The following IL18R1 variants were observed in gnomAD, a reference collection of about 807,000 sequenced individuals.
IL18R1 encodes the protein interleukin-18 receptor 1.
A neutral mutation model predicts 48.5 loss-of-function variants in IL18R1; 40 were observed. The ratio of observed to expected loss-of-function variants is 0.82; its 90% confidence interval spans 0.64 to 1.07. The LOEUF is 1.07. IL18R1 is among the 50% of genes least tolerant of loss of function. The pLI, the probability that IL18R1 is intolerant of heterozygous loss-of-function variation, is 0.00. For missense variants in IL18R1, 596 were observed against 633.7 expected, an observed-to-expected ratio of 0.94 and a Z score of 0.64; for synonymous variants, 232 against 225.9, an observed-to-expected ratio of 1.03 and a Z score of -0.24.
In IL18R1 at chr2:102,372,822, T is replaced by C. The variant is rs1291224253; in HGVS notation, c.468+704T>C. Among the ~76,000 whole-genome samples the C allele has an allele frequency of 3.3e-5, 5 of 152,360 alleles. 1 individual carries two copies. In the South Asian group the frequency reaches 1.0e-3, roughly 32 times the overall value. On this transcript the variant is annotated intron_variant, in intron 4 of 10. Coordinates refer to ENST00000233957, the MANE Select transcript of IL18R1 (RefSeq NM_003855.5). ...CATTTGTGAATTGCCTATTTTTCACTATTATTTAAAGGCTAAAATGAATAC... is the reference window on the plus strand; with the variant it reads ...CATTTGTGAATTGCCTATTTTTCACCATTATTTAAAGGCTAAAATGAATAC...
chr2:102,391,838 G>A (rs1018321668), intron 9 of IL18R1, among the ~76,000 whole-genome samples: 1 of 152,116 alleles, frequency 6.6e-6, no homozygotes, highest in Non-Finnish European at 1.5e-5. Flanking sequence ...TTTGCATAAG[G>A]CTCAGCTGTA....
chr2:102,386,106 G>A (rs762417917), intron 7 of IL18R1, among the ~76,000 whole-genome samples: 1 of 152,202 alleles, frequency 6.6e-6, no homozygotes, highest in Non-Finnish European at 1.5e-5. Flanking sequence ...GGCAGTTGGA[G>A]GCTACAGTGG....
intron 3 of IL18R1, among the ~76,000 whole-genome samples, chr2:102,371,066 G>GTT (rs1182359974): frequency 9.3e-4 from 141 of 151,392 alleles, no homozygotes; most frequent in African/African-American, 3.1e-3. Context: ...TGTTGTTGTT[G>GTT]TTTTTTTGAG....
chr2:102,381,160 C>T (rs1439569816), intron 5 of IL18R1, among the ~76,000 whole-genome samples: 1 of 152,194 alleles, frequency 6.6e-6, no homozygotes, highest in Admixed American at 6.5e-5. Flanking sequence ...ATTGAAGGGA[C>T]ACTGCTCTCA....
intron 10 of IL18R1, among the ~76,000 whole-genome samples, chr2:102,394,901 G>C (rs1680743611): frequency 1.3e-5 from 2 of 152,184 alleles, no homozygotes; most frequent in Non-Finnish European, 2.9e-5. Flanking sequence ...ACCGGGCCCA[G>C]AGCTGGCGTT....
Position 102,397,216 on chromosome 2 carries a change from A to G in IL18R1, c.*330A>G, listed in dbSNP as rs1680871532. 4.4e-6 allele frequency: 1 copy of G among 229,786 alleles called. No homozygotes were observed. The highest frequency in any genetic ancestry group is 8.4e-6 in the Non-Finnish European group (1 of 119,296). The allele number at this position is 229,786 out of a possible 1,614,324, so 14.2% of individuals were successfully genotyped here. ...CGTGATGCAAAATAACCGATGCCCT[A>G]CAAAAAGGGCGCATCTTTAAGAGTT... is the stretch of plus-strand genomic sequence containing the variant. On this transcript the variant is annotated 3_prime_UTR_variant, in exon 11 of 11. Transcript: ENST00000233957.
chr2:102,383,183 G>T (rs1319814948), intron 6 of IL18R1, among the ~76,000 whole-genome samples: 1 of 152,176 alleles, frequency 6.6e-6, no homozygotes. Flanking sequence ...TTTGGAATTT[G>T]TAGTGACTTA....
At position 102,371,932 on chromosome 2, in the gene IL18R1, C is replaced by A. The variant is rs201106563; in HGVS notation, c.303-21C>A. Reference sequence around the variant, plus strand: ...AAGTTTCTGTAGCATTATAAAATACCTTTACACTTTTATTCCATAGAAATT... The same window carrying A: ...AAGTTTCTGTAGCATTATAAAATACATTTACACTTTTATTCCATAGAAATT... On this transcript the variant is annotated intron_variant, in intron 3 of 10. Transcript: ENST00000233957. 4.4e-6 allele frequency: 6 copies of A among 1,378,380 alleles called. No homozygotes were observed. In the African/African-American group the frequency reaches 8.8e-5, roughly 20 times the overall value. 85.4% of individuals were successfully genotyped at this position (1,378,380 alleles called of 1,614,324 possible). A position where few individuals can be genotyped will look rare whatever the true frequency, so the allele number is the denominator to read the frequency against.
chr2:102,379,936 T>A (rs1679821134), intron 5 of IL18R1, among the ~76,000 whole-genome samples: 1 of 152,194 alleles, frequency 6.6e-6, no homozygotes, highest in Non-Finnish European at 1.5e-5. Flanking sequence ...TCCAATGTCG[T>A]TGAGTTTAAA....
chr2:102,381,320 T>C (rs1304890597), intron 5 of IL18R1, among the ~76,000 whole-genome samples: 2 of 152,210 alleles, frequency 1.3e-5, no homozygotes, highest in African/African-American at 4.8e-5. Context: ...TTCCCAGTGA[T>C]TTTGCATGGT....
chr2:102,372,244 G>A (rs1679308641), intron 4 of IL18R1, 126 bp downstream of exon 4: 2 of 708,786 alleles, frequency 2.8e-6, no homozygotes, highest in Admixed American at 7.4e-5. Context: ...TGGCTCACTT[G>A]CCCTGTTTGA....
intron 3 of IL18R1, among the ~76,000 whole-genome samples, chr2:102,369,186 GCCCC>G (rs3836110): frequency 6.6e-6 from 1 of 151,798 alleles, no homozygotes; most frequent in South Asian, 2.1e-4. Flanking sequence ...AACAAACACC[GCCCC>G]CCCCACCACA....
chr2:102,387,103 C>A, intron 8 of IL18R1, 103 bp downstream of exon 8: 2 of 1,237,252 alleles, frequency 1.6e-6, no homozygotes, highest in Non-Finnish European at 2.3e-6. Context: ...GAACCCAGCT[C>A]CTGAGAGGGG....
chr2:102,367,924 C>T lies in IL18R1; in HGVS notation c.158C>T (p.Thr53Ile), dbSNP rs535384643. 2 of 1,614,192 alleles carry T rather than the reference C, an allele frequency of 1.2e-6. No homozygotes were observed. The highest frequency in any genetic ancestry group is 1.7e-5 in the Admixed American group (1 of 60,024). The change falls in exon 3 of 11, where the codon ACC becomes ATC. Residue 53 changes from threonine (T) to isoleucine (I), a missense_variant. Thr to Ile is a moderately conservative substitution (Grantham distance 89). Transcript: ENST00000233957. Reference sequence around the variant, plus strand: ...CTTGCACATGAGATTGAAACAACCACCAAAAGCTGGTACAAAAGCAGTGGA... The same window carrying T: ...CTTGCACATGAGATTGAAACAACCATCAAAAGCTGGTACAAAAGCAGTGGA... The part of the protein sequence containing the change: ...CSLAHEIETT[T>I]KSWYKSSGSQ...
chr2:102,369,189 C>A (rs1303585134), intron 3 of IL18R1, among the ~76,000 whole-genome samples: 3 of 152,032 alleles, frequency 2.0e-5, no homozygotes, highest in Non-Finnish European at 4.4e-5. Flanking sequence ...AAACACCGCC[C>A]CCCCCACCAC....
At chr2:102,391,550 G>A (rs1220094401) in intron 9 of IL18R1, among the ~76,000 whole-genome samples, 1 of 152,168 alleles carries the variant, frequency 6.6e-6, no homozygotes, top group Non-Finnish European at 1.5e-5. Context: ...GCAATGGACA[G>A]CTTTATACAT....
At chr2:102,383,061 T>A (rs879298319) in intron 6 of IL18R1, among the ~76,000 whole-genome samples, 1 of 152,178 alleles carries the variant, frequency 6.6e-6, no homozygotes, top group Non-Finnish European at 1.5e-5. Flanking sequence ...ACAAAAAAAA[T>A]TGGTATTTCT....
chr2:102,394,680 A>G, intron 10 of IL18R1, 53 bp downstream of exon 10: 2 of 1,485,588 alleles, frequency 1.3e-6, no homozygotes, highest in South Asian at 1.3e-5. Context: ...TTTTTAAAAA[A>G]TGAATGAGCT....
Position 102,387,009 on chromosome 2 carries a change from G to C in IL18R1, c.949+9G>C. On this transcript the variant is annotated intron_variant, in intron 8 of 10. Transcript: ENST00000233957. Reference sequence around the variant, plus strand: ...CATCTTGGTGAGAAAAGGTGAGAAAGATTTATTTTTGGAAGTTTTGAAACT... The same window carrying C: ...CATCTTGGTGAGAAAAGGTGAGAAACATTTATTTTTGGAAGTTTTGAAACT... The C allele has an allele frequency of 6.2e-7, 1 of 1,607,806 alleles. No individual in the cohort carries two copies. The highest frequency in any genetic ancestry group is 8.5e-7 in the Non-Finnish European group (1 of 1,178,396).
Sources: allele counts gnomAD v4.1 joint callset (sites outside exome capture counted in the v4.1 genomes callset), GRCh38; gene constraint gnomAD v4.1.1; transcripts MANE v1.5; gene names NCBI Gene and HGNC (gene_info 2026-07-23, HGNC 2026-07-21).